Variants in NFASC observed in about 807,000 individuals in gnomAD.
NFASC encodes neurofascin.
NFASC carries 43 observed loss-of-function variants against 147.5 expected under a neutral mutation model. That is an observed-to-expected ratio of 0.29 (90% CI 0.23 to 0.38). NFASC has a LOEUF of 0.38. Among genes scored for constraint, NFASC ranks in the 10% least tolerant of loss-of-function variants. NFASC has a pLI of 1.00. For synonymous variants in NFASC, 622 were observed against 665.5 expected, an observed-to-expected ratio of 0.93 and a Z score of 1.01; for missense variants, 1,320 against 1,689.0, an observed-to-expected ratio of 0.78 and a Z score of 3.83.
chr1:205,013,225 C>T (rs2096284579), intron 29 of NFASC, among the ~76,000 whole-genome samples: 1 of 152,206 alleles, frequency 6.6e-6, no homozygotes, highest in Non-Finnish European at 1.5e-5. Context: ...GCCCCAGGAC[C>T]CTCTTGCCGT....
chr1:204,903,421 T>C (rs906695609), intron 1 of NFASC, among the ~76,000 whole-genome samples: 1 of 152,248 alleles, frequency 6.6e-6, no homozygotes, highest in African/African-American at 2.4e-5. Flanking sequence ...GAGGAAATCA[T>C]TGAGGTCCAG....
At chr1:204,844,321 C>T (rs1676332387) in intron 1 of NFASC, among the ~76,000 whole-genome samples, 1 of 152,170 alleles carries the variant, frequency 6.6e-6, no homozygotes, top group African/African-American at 2.4e-5. Flanking sequence ...AGTAGAAATG[C>T]CCTATGAAAG....
chr1:204,839,677 C>G (rs563638566), intron 1 of NFASC, among the ~76,000 whole-genome samples: 49 of 152,330 alleles, frequency 3.2e-4, no homozygotes, highest in Admixed American at 7.8e-4. Context: ...TCTCCTCTTC[C>G]ATGGTGAAGA....
chr1:204,934,962 G>A (rs976590057), intron 2 of NFASC, among the ~76,000 whole-genome samples: 1 of 152,240 alleles, frequency 6.6e-6, no homozygotes, highest in Admixed American at 6.5e-5. Flanking sequence ...TGGACGTTGT[G>A]CAGGTTGAAC....
At chr1:204,989,155 T>A (rs1241173442) in intron 23 of NFASC, 1 of 312,358 alleles carries the variant, frequency 3.2e-6, no homozygotes, top group East Asian at 8.0e-5. Context: ...CAGTGAGTGT[T>A]CACCTCTTGA....
chr1:204,960,887 AG>A (rs553228907), intron 8 of NFASC, among the ~76,000 whole-genome samples: 36 of 152,332 alleles, frequency 2.4e-4, no homozygotes, highest in African/African-American at 8.7e-4. Flanking sequence ...TCTTCCTACC[AG>A]GTGGCAAGCA....
intron 1 of NFASC, among the ~76,000 whole-genome samples, chr1:204,844,549 G>A (rs1426218492): frequency 6.6e-6 from 1 of 152,134 alleles, no homozygotes; most frequent in Non-Finnish European, 1.5e-5. Context: ...AGTATGCCAG[G>A]CATCCATGCA....
At position 204,954,752 on chromosome 1, in the gene NFASC, G is replaced by T; in HGVS notation, c.413-77G>T. ...CCCCTTCTGTTTCTCCTCCTTGCAT[G>T]CCTGCCTCTGACCCTGCTCCTTGCC... On this transcript the variant is annotated intron_variant, in intron 6 of 29. Coordinates refer to ENST00000339876, the MANE Select transcript of NFASC (RefSeq NM_001005388.3). The surrounding 1 kb of genome is among the most constrained non-coding windows in gnomAD (Gnocchi z 5.7). 1 of 1,533,906 alleles carries T rather than the reference G, an allele frequency of 6.5e-7. No homozygotes were observed.
intron 1 of NFASC, among the ~76,000 whole-genome samples, chr1:204,852,772 G>A (rs1191761869): frequency 1.3e-5 from 2 of 152,222 alleles, no homozygotes; most frequent in South Asian, 2.1e-4. Flanking sequence ...TGGGACTCTG[G>A]GGGTACTGCT....
chr1:204,973,569 G>A lies in NFASC; in HGVS notation c.1279+150G>A, dbSNP rs72751493. 5,915 of 993,378 alleles carry A rather than the reference G, an allele frequency of 6.0e-3. 41 individuals carry two copies. Among genetic ancestry groups the A allele is most frequent in the East Asian group, 0.012 (445 of 37,666 alleles). The allele number at this position is 993,378 out of a possible 1,614,324, so 61.5% of individuals were successfully genotyped here. On this transcript the variant is annotated intron_variant, in intron 12 of 29. Coordinates refer to ENST00000339876, the MANE Select transcript of NFASC (RefSeq NM_001005388.3). The stretch of plus-strand genomic sequence containing the variant: ...GGATGTTGGATAGGGGAAACATGGA[G>A]ATGGGAAAAAATTTGTGAGAGGGAT...
intron 1 of NFASC, among the ~76,000 whole-genome samples, chr1:204,854,673 G>T (rs2076001424): frequency 6.6e-6 from 1 of 152,214 alleles, no homozygotes; most frequent in Non-Finnish European, 1.5e-5. Flanking sequence ...TGCCAACTTA[G>T]CACTGACTTG....
chr1:204,997,143 C>T (rs1403867364), intron 24 of NFASC, 27 bp from the exon 25 acceptor site: 1 of 1,592,872 alleles, frequency 6.3e-7, no homozygotes, highest in East Asian at 2.2e-5. Context: ...ACCAACCAGA[C>T]TCGGCTGTTT....
At position 204,974,202 on chromosome 1, in the gene NFASC, C is replaced by G; in HGVS notation, c.1303C>G (p.Pro435Ala). 6.2e-7 allele frequency: 1 copy of G among 1,613,990 alleles called. No homozygotes were observed. Among genetic ancestry groups the G allele is most frequent in the Non-Finnish European group, 8.5e-7 (1 of 1,179,964 alleles). The change falls in exon 13 of 30, where the codon CCC becomes GCC. Residue 435 changes from proline (P) to alanine (A), a missense_variant. By Grantham distance (27) the Pro-to-Ala change is conservative. Coordinates refer to ENST00000339876, the MANE Select transcript of NFASC (RefSeq NM_001005388.3). Reference protein sequence around the residue: ...VLDVPPRMLSPRNQLIRVILY... With the variant: ...VLDVPPRMLSARNQLIRVILY... ...AGATGTGCCGCCTCGGATGCTGTCG[C>G]CCCGGAACCAGCTCATTCGAGTGAT... is the stretch of plus-strand genomic sequence containing the variant.
chr1:204,989,974 G>A (rs1313107855), intron 23 of NFASC: 1 of 152,286 alleles, frequency 6.6e-6, no homozygotes, highest in African/African-American at 2.4e-5. Flanking sequence ...CCGCATTCCA[G>A]GAGAGCATCA....
rs1331450231 is a variant in NFASC at position 204,968,018 on chromosome 1, C to G, written c.707-231C>G. ...GAACCTGAGGGAAGCTGGGCTCCTC[C>G]AGGCAGATCCTTTCAGAACCTAGAG... On this transcript the variant is annotated intron_variant, in intron 8 of 29. Transcript: ENST00000339876. This position sits in a 1 kb window ranked among gnomAD's most constrained non-coding sequence, Gnocchi z 5.4. The G allele has an allele frequency of 2.1e-6, 1 of 467,696 alleles. No individual in the cohort carries two copies. Among genetic ancestry groups the G allele is most frequent in the East Asian group, 3.9e-5 (1 of 25,784 alleles). 29.0% of individuals were successfully genotyped at this position (467,696 alleles called of 1,614,324 possible).
At chr1:204,943,931 G>T (rs780317263) in intron 2 of NFASC, among the ~76,000 whole-genome samples, 8 of 152,210 alleles carry the variant, frequency 5.3e-5, no homozygotes, top group Non-Finnish European at 1.0e-4. Flanking sequence ...GGGAACAATT[G>T]CCAATGTCTG....
chr1:204,963,377 G>C (rs962888843), intron 8 of NFASC, among the ~76,000 whole-genome samples: 2 of 152,220 alleles, frequency 1.3e-5, no homozygotes, highest in African/African-American at 4.8e-5. Context: ...TCGGATTCCA[G>C]GTAATCTGTT....
intron 1 of NFASC, among the ~76,000 whole-genome samples, chr1:204,869,673 G>A (rs1028956951): frequency 2.3e-4 from 35 of 152,208 alleles, no homozygotes; most frequent in South Asian, 1.5e-3. Context: ...ACAGTTTCCC[G>A]AGGCTCGCCT....
intron 1 of NFASC, among the ~76,000 whole-genome samples, chr1:204,846,916 G>T (rs1396707038): frequency 6.6e-6 from 1 of 151,642 alleles, no homozygotes; most frequent in Admixed American, 6.6e-5. Context: ...AATCTCAGTG[G>T]TGCTAATGGA....
Sources: gnomAD v4.1 joint callset for allele counts (sites outside exome capture counted in the v4.1 genomes callset) on GRCh38, gnomAD v4.1.1 for gene constraint, Gnocchi (gnomAD v3.1) non-coding constraint, MANE v1.5 for transcripts, NCBI Gene and HGNC (gene_info 2026-07-23, HGNC 2026-07-21) for gene names.